Variants in FGD6 observed in about 807,000 individuals in gnomAD.
FGD6 encodes the protein FYVE, RhoGEF and PH domain containing 6.
FGD6 carries 90 observed loss-of-function variants against 149.4 expected under a neutral mutation model. That is an observed-to-expected ratio of 0.60 (90% CI 0.51 to 0.72). The LOEUF is 0.72. Among genes scored for constraint, FGD6 ranks in the 30% least tolerant of loss-of-function variants. The probability of loss-of-function intolerance (pLI) is 0.00; values close to 1 mark genes in which losing one functional copy is unlikely to be tolerated. For missense variants in FGD6, 1,437 were observed against 1,684.8 expected, an observed-to-expected ratio of 0.85 and a Z score of 2.57; for synonymous variants, 527 against 584.0, an observed-to-expected ratio of 0.90 and a Z score of 1.41.
intron 1 of FGD6, among the ~76,000 whole-genome samples, chr12:95,213,451 T>C (rs1411442191): frequency 6.6e-6 from 1 of 152,132 alleles, no homozygotes; most frequent in African/African-American, 2.4e-5. Flanking sequence ...AATGAAGAGT[T>C]CTTGAGATTG....
chr12:95,132,194 G>A (rs537721208), intron 8 of FGD6, among the ~76,000 whole-genome samples: 3 of 151,922 alleles, frequency 2.0e-5, no homozygotes, highest in East Asian at 3.9e-4. Context: ...ACTGTCACCC[G>A]GGCTGAAGTG....
chr12:95,125,886 G>A (rs551716337), intron 8 of FGD6: 44 of 1,347,044 alleles, frequency 3.3e-5, no homozygotes, highest in South Asian at 2.7e-4. Flanking sequence ...TGGACCTTGC[G>A]CTCAAGTGAG....
intron 8 of FGD6, chr12:95,126,232 CA>C: frequency 2.4e-6 from 3 of 1,257,424 alleles, no homozygotes; most frequent in Non-Finnish European, 1.1e-6. Context: ...AAATTTCCAG[CA>C]AAAAAGATGA....
intron 9 of FGD6, among the ~76,000 whole-genome samples, chr12:95,113,055 G>T (rs73223652): frequency 0.01 from 1,560 of 152,224 alleles, 23 homozygotes; most frequent in South Asian, 0.028. Context: ...GGAGGGCAAA[G>T]ATTCCTGACC....
chr12:95,127,919 G>C (rs1879395637), intron 8 of FGD6, among the ~76,000 whole-genome samples: 1 of 152,064 alleles, frequency 6.6e-6, no homozygotes, highest in African/African-American at 2.4e-5. Flanking sequence ...TCTCTATCAG[G>C]ATCCTTACTG....
chr12:95,125,266 A>G (rs1879299344), intron 8 of FGD6, among the ~76,000 whole-genome samples: 1 of 152,216 alleles, frequency 6.6e-6, no homozygotes, highest in Non-Finnish European at 1.5e-5. Flanking sequence ...CCTTGATCTT[A>G]GCCAAAAGGC....
intron 2 of FGD6, among the ~76,000 whole-genome samples, chr12:95,206,761 C>G (rs1288614132): frequency 2.0e-5 from 3 of 150,014 alleles, no homozygotes; most frequent in Admixed American, 6.6e-5. Context: ...TGCCTAGGTA[C>G]TAATATTCAG....
At chr12:95,168,470 C>A (rs1880891377) in intron 3 of FGD6, among the ~76,000 whole-genome samples, 1 of 152,026 alleles carries the variant, frequency 6.6e-6, no homozygotes, top group Non-Finnish European at 1.5e-5. Flanking sequence ...TTGAGACCAG[C>A]GTGACCAACA....
In FGD6 at chr12:95,080,327, G is replaced by A. The variant is rs1877633009; in HGVS notation, c.*1193C>T. On this transcript the variant is annotated 3_prime_UTR_variant, in exon 21 of 21. Coordinates refer to ENST00000343958, the MANE Select transcript of FGD6 (RefSeq NM_018351.4). ...CATCAGGGATGGCTTTTATCACAGT[G>A]TTATTTCATTTTCTTCTGCTAATCA... 1 of 152,138 alleles carries A rather than the reference G, an allele frequency of 6.6e-6. No homozygotes were observed. Among genetic ancestry groups the A allele is most frequent in the African/African-American group, 2.4e-5 (1 of 41,426 alleles). The allele number at this position is 152,138 out of a possible 1,614,324, so 9.4% of individuals were successfully genotyped here.
chr12:95,205,893 A>G (rs1185836028), intron 2 of FGD6, among the ~76,000 whole-genome samples: 1 of 152,180 alleles, frequency 6.6e-6, no homozygotes, highest in East Asian at 1.9e-4. Context: ...GCGAAATTCA[A>G]AAGCAAAGCT....
At chr12:95,164,438 T>C (rs968566824) in intron 3 of FGD6, among the ~76,000 whole-genome samples, 7 of 139,404 alleles carry the variant, frequency 5.0e-5, no homozygotes, top group African/African-American at 1.8e-4. Flanking sequence ...TATCCATTCC[T>C]TTTTTTTTTG....
intron 2 of FGD6, among the ~76,000 whole-genome samples, chr12:95,184,222 T>C (rs943826015): frequency 6.6e-6 from 1 of 152,152 alleles, no homozygotes; most frequent in South Asian, 2.1e-4. Flanking sequence ...TCTAAACCTA[T>C]TTAAGTGTAT....
intron 4 of FGD6, 39 bp from the exon 5 acceptor site, chr12:95,152,880 C>T (rs778116268): frequency 1.2e-6 from 2 of 1,613,604 alleles, no homozygotes; most frequent in African/African-American, 1.3e-5. Flanking sequence ...TTTAAATGTG[C>T]CAATGGGGGG....
chr12:95,160,333 C>T (rs985064828), intron 3 of FGD6, among the ~76,000 whole-genome samples: 2 of 152,120 alleles, frequency 1.3e-5, no homozygotes, highest in Non-Finnish European at 2.9e-5. Flanking sequence ...ATATACTTCA[C>T]ACCCACACAA....
chr12:95,161,057 G>A lies in FGD6; in HGVS notation c.2587-8064C>T, dbSNP rs537710321. On this transcript the variant is annotated intron_variant, in intron 3 of 20. Coordinates refer to ENST00000343958, the MANE Select transcript of FGD6 (RefSeq NM_018351.4). The stretch of plus-strand genomic sequence containing the variant: ...TAGCTGGGCATGGTGGCACACACCC[G>A]TAATCCCAGCTACTTGGGAGGCTGA... Among the ~76,000 whole-genome samples, 43 of 150,622 alleles carry A rather than the reference G, an allele frequency of 2.9e-4. No individual in the cohort carries two copies. In the South Asian group the frequency reaches 5.3e-3, roughly 19 times the overall value.
chr12:95,155,477 G>A (rs757637872), intron 3 of FGD6, among the ~76,000 whole-genome samples: 9 of 152,146 alleles, frequency 5.9e-5, no homozygotes, highest in Non-Finnish European at 8.8e-5. Context: ...GCAGTGAGCC[G>A]AGATGGTGCC....
intron 5 of FGD6, among the ~76,000 whole-genome samples, chr12:95,149,993 T>TAC (rs10652699): frequency 0.061 from 8,039 of 131,848 alleles, 263 homozygotes; most frequent in Non-Finnish European, 0.074. Flanking sequence ...TGCTATATAT[T>TAC]ACACACACAC....
At chr12:95,088,003 G>A (rs1018141979) in intron 18 of FGD6, among the ~76,000 whole-genome samples, 3 of 151,936 alleles carry the variant, frequency 2.0e-5, no homozygotes, top group African/African-American at 7.3e-5. Flanking sequence ...AGTTACATTG[G>A]AATCCTACTA....
At chr12:95,140,167 T>A (rs1210799994) in intron 6 of FGD6, among the ~76,000 whole-genome samples, 2 of 152,214 alleles carry the variant, frequency 1.3e-5, no homozygotes, top group African/African-American at 4.8e-5. Context: ...ATTCTAATCA[T>A]GTTGTGTTCC....
Sources: gnomAD v4.1 joint callset for allele counts (sites outside exome capture counted in the v4.1 genomes callset) on GRCh38, gnomAD v4.1.1 for gene constraint, MANE v1.5 for transcripts, NCBI Gene and HGNC (gene_info 2026-07-23, HGNC 2026-07-21) for gene names.